The following SLC35F3 variants were observed in gnomAD, a reference collection of about 807,000 sequenced individuals.
SLC35F3 encodes the protein putative thiamine transporter SLC35F3.
A neutral mutation model predicts 49.9 loss-of-function variants in SLC35F3; 25 were observed. The ratio of observed to expected loss-of-function variants is 0.50; its 90% CI spans 0.37 to 0.70. The LOEUF (loss-of-function observed/expected upper bound fraction) is 0.70, where lower values mean the gene tolerates loss of function less well. Among genes scored for constraint, SLC35F3 ranks in the 30% least tolerant of loss-of-function variants. The probability of loss-of-function intolerance (pLI) is 0.00; values close to 1 mark genes in which losing one functional copy is unlikely to be tolerated. For missense variants in SLC35F3, 525 were observed against 639.8 expected (o/e 0.82, Z 1.94); for synonymous variants, 275 against 265.4 (o/e 1.04, Z -0.35).
At chr1:234,139,999 T>TAAAATAAAATAAAATAAAATAAAATAAAA (rs1299007462) in intron 2 of SLC35F3, among the ~76,000 whole-genome samples, 1 of 110,004 alleles carries the variant, frequency 9.1e-6, no homozygotes, top group Non-Finnish European at 2.2e-5. Context: ...TAAAATAAAA[T>TAAAATAAAATAAAATAAAATAAAATAAAA]AAAGTAAGTG....
intron 2 of SLC35F3, among the ~76,000 whole-genome samples, chr1:234,151,980 C>A (rs945617145): frequency 7.0e-6 from 1 of 142,938 alleles, no homozygotes; most frequent in Non-Finnish European, 1.5e-5. Context: ...TATTTGTCAC[C>A]TTCTCTCCCT....
chr1:234,154,881 A>G (rs1666128293), intron 2 of SLC35F3, among the ~76,000 whole-genome samples: 1 of 152,148 alleles, frequency 6.6e-6, no homozygotes, highest in Non-Finnish European at 1.5e-5. Flanking sequence ...AGGGGGAGAG[A>G]TAAGCAAGTA....
intron 3 of SLC35F3, among the ~76,000 whole-genome samples, chr1:234,271,840 C>A (rs1156408302): frequency 2.6e-5 from 4 of 152,070 alleles, no homozygotes; most frequent in South Asian, 2.1e-4. Context: ...GTGAAGAGAA[C>A]AAGGCCAGAT....
intron 2 of SLC35F3, among the ~76,000 whole-genome samples, chr1:234,193,343 A>G (rs1204919043): frequency 6.6e-6 from 1 of 152,188 alleles, no homozygotes; most frequent in Non-Finnish European, 1.5e-5. Context: ...TAAAGTGTGG[A>G]AAGGCCACCC....
At chr1:234,049,564 A>G (rs541691040) in intron 2 of SLC35F3, among the ~76,000 whole-genome samples, 1 of 152,304 alleles carries the variant, frequency 6.6e-6, no homozygotes, top group South Asian at 2.1e-4. Flanking sequence ...TAGGCCACTC[A>G]GTCTGTGGTA....
chr1:233,939,792 C>A (rs1662392676), intron 2 of SLC35F3, among the ~76,000 whole-genome samples: 1 of 152,168 alleles, frequency 6.6e-6, no homozygotes, highest in Non-Finnish European at 1.5e-5. Flanking sequence ...TTCACTTAAG[C>A]TTTCCTGGGA....
At chr1:234,303,599 G>C (rs1023536209) in intron 3 of SLC35F3, among the ~76,000 whole-genome samples, 1 of 152,172 alleles carries the variant, frequency 6.6e-6, no homozygotes, top group Non-Finnish European at 1.5e-5. Context: ...ACCTTTGATT[G>C]ATAATTGATT....
At chr1:233,953,634 TA>T (rs1376472720) in intron 2 of SLC35F3, among the ~76,000 whole-genome samples, 3 of 152,218 alleles carry the variant, frequency 2.0e-5, no homozygotes, top group African/African-American at 7.2e-5. Flanking sequence ...GGCATCTGTT[TA>T]GCAGGCAGCT....
chr1:234,224,578 T>A (rs1667258597), intron 2 of SLC35F3, among the ~76,000 whole-genome samples: 1 of 152,238 alleles, frequency 6.6e-6, no homozygotes, highest in South Asian at 2.1e-4. Context: ...CTGAAGTCCC[T>A]CTTTAGTGAC....
chr1:234,217,628 GC>G (rs1200602797), intron 2 of SLC35F3, among the ~76,000 whole-genome samples: 1 of 151,800 alleles, frequency 6.6e-6, no homozygotes, highest in Non-Finnish European at 1.5e-5. Flanking sequence ...TGAGAAGGAG[GC>G]CTTTCTAAGA....
At chr1:233,912,625 T>A (rs1038189035) in intron 2 of SLC35F3, among the ~76,000 whole-genome samples, 1 of 152,218 alleles carries the variant, frequency 6.6e-6, no homozygotes, top group Non-Finnish European at 1.5e-5. Flanking sequence ...CAGTGGATAC[T>A]GTGGATAGTA....
intron 2 of SLC35F3, among the ~76,000 whole-genome samples, chr1:234,209,287 GT>G (rs1667017667): frequency 6.6e-6 from 1 of 151,964 alleles, no homozygotes; most frequent in African/African-American, 2.4e-5. Context: ...TGAGATTTGA[GT>G]TTTTAAGTGG....
intron 2 of SLC35F3, among the ~76,000 whole-genome samples, chr1:234,016,532 A>T (rs1419543722): frequency 6.6e-6 from 1 of 152,210 alleles, no homozygotes; most frequent in Admixed American, 6.5e-5. Flanking sequence ...TACTAAATGA[A>T]ATAAGCCACA....
At chr1:234,054,046 C>A (rs971641318) in intron 2 of SLC35F3, among the ~76,000 whole-genome samples, 2 of 152,156 alleles carry the variant, frequency 1.3e-5, no homozygotes, top group Admixed American at 6.5e-5. Context: ...TGTGGGTAAC[C>A]AGACCTTTCT....
chr1:233,944,971 C>T (rs1662490826), intron 2 of SLC35F3, among the ~76,000 whole-genome samples: 1 of 151,714 alleles, frequency 6.6e-6, no homozygotes, highest in Non-Finnish European at 1.5e-5. Flanking sequence ...GTTGTGCATC[C>T]TAGGAGGTAT....
intron 2 of SLC35F3, among the ~76,000 whole-genome samples, chr1:234,193,780 G>A (rs1324284032): frequency 1.3e-5 from 2 of 151,910 alleles, no homozygotes; most frequent in Admixed American, 6.6e-5. Flanking sequence ...AAGAAGTGGG[G>A]TAAGGACATG....
At chr1:234,172,619 A>T (rs1666415584) in intron 2 of SLC35F3, among the ~76,000 whole-genome samples, 1 of 152,248 alleles carries the variant, frequency 6.6e-6, no homozygotes, top group Non-Finnish European at 1.5e-5. Context: ...TTGTGCAAAC[A>T]TCATAGCGAG....
At chr1:233,909,876 G>T (rs1661846366) in intron 2 of SLC35F3, among the ~76,000 whole-genome samples, 1 of 152,196 alleles carries the variant, frequency 6.6e-6, no homozygotes. Context: ...ACTCTCTTCT[G>T]TTGCCCAGTA....
intron 2 of SLC35F3, among the ~76,000 whole-genome samples, chr1:234,116,171 G>A (rs938804267): frequency 6.6e-6 from 1 of 152,198 alleles, no homozygotes; most frequent in African/African-American, 2.4e-5. Context: ...GTAGCTACCT[G>A]TGGAGACATC....
Sources: gnomAD v4.1 joint callset for allele counts (sites outside exome capture counted in the v4.1 genomes callset) on GRCh38, gnomAD v4.1.1 for gene constraint, MANE v1.5 for transcripts, NCBI Gene and HGNC (gene_info 2026-07-23, HGNC 2026-07-21) for gene names.